The following RPL11 variants were observed in gnomAD, a reference collection of about 807,000 sequenced individuals.
RPL11 encodes ribosomal protein L11.
A neutral mutation model predicts 24.1 loss-of-function variants in RPL11; 3 were observed. The observed-to-expected ratio is 0.12, with a 90% CI of 0.06 to 0.32. The LOEUF (loss-of-function observed/expected upper bound fraction) is 0.32. RPL11 is among the 10% of genes least tolerant of loss of function. The pLI is 1.00. For synonymous variants in RPL11, 96 were observed against 75.7 expected, an observed-to-expected ratio of 1.27 and a Z score of -1.39; for missense variants, 146 against 225.7, an observed-to-expected ratio of 0.65 and a Z score of 2.26.
intron 2 of RPL11, among the ~76,000 whole-genome samples, 170 bp downstream of exon 2, chr1:23,692,929 G>A (rs576807002): frequency 3.3e-5 from 5 of 150,416 alleles, no homozygotes; most frequent in East Asian, 3.9e-4. Flanking sequence ...TCAAGATGGC[G>A]TGTGGGATTG....
chr1:23,696,259 A>C, intron 5 of RPL11, 85 bp from the exon 6 acceptor site: 1 of 1,254,646 alleles, frequency 8.0e-7, no homozygotes, highest in Non-Finnish European at 1.2e-6. Context: ...TGTATCAATC[A>C]GATGTGAATT....
Position 23,696,400 on chromosome 1 carries a change from TAA to T in RPL11, c.*31_*32del, listed in dbSNP as rs1213749846. ...TTCCCGTTTCTATCCAAAAGAGCAATAAAAAGTTTTCAGTGAAATGTGCAATT... is the reference window on the plus strand; with the variant it reads ...TTCCCGTTTCTATCCAAAAGAGCAATAAAGTTTTCAGTGAAATGTGCAATT... On this transcript the variant is annotated 3_prime_UTR_variant, in exon 6 of 6. Transcript: ENST00000643754. 1.4e-5 allele frequency: 23 copies of T among 1,609,234 alleles called. No individual in the cohort carries two copies. The highest frequency in any genetic ancestry group is 1.9e-5 in the Non-Finnish European group (22 of 1,175,554).
At chr1:23,694,606 G>C (rs190679931) in intron 3 of RPL11, 54 bp from the exon 4 acceptor site, 3 of 1,611,296 alleles carry the variant, frequency 1.9e-6, no homozygotes, top group Middle Eastern at 1.9e-4. Context: ...TTACTTGGGG[G>C]TGGGAGGGAG....
chr1:23,691,966 G>A, intron 1 of RPL11, 137 bp downstream of exon 1: 4 of 1,172,618 alleles, frequency 3.4e-6, no homozygotes, highest in South Asian at 1.2e-5. Flanking sequence ...TAGCAGAGCC[G>A]TTCGAGCCAA....
At position 23,696,652 on chromosome 1, in the gene RPL11, TG is replaced by T; in HGVS notation, c.*281del. On this transcript the variant is annotated 3_prime_UTR_variant, in exon 6 of 6. Transcript: ENST00000643754. ...GTAGCCCCATTTGGAGGGGAGGGTT[TG>T]GTTGATGTTGGGGTTTGAATTTAGA... The T allele has an allele frequency of 3.8e-6, 2 of 528,350 alleles. No homozygotes were observed. Among genetic ancestry groups the T allele is most frequent in the South Asian group, 4.1e-5 (2 of 48,792 alleles). The allele number at this position is 528,350 out of a possible 1,614,324, so 32.7% of individuals were successfully genotyped here. A position where few individuals can be genotyped will look rare whatever the true frequency, so the allele number is the denominator to read the frequency against.
chr1:23,695,809 G>T lies in RPL11; in HGVS notation c.408G>T (p.Arg136Ser). 1 of 1,591,158 alleles carries T rather than the reference G, an allele frequency of 6.3e-7. No homozygotes were observed. Among genetic ancestry groups the T allele is most frequent in the Non-Finnish European group, 8.6e-7 (1 of 1,169,170 alleles). Residue 136 changes from arginine (R) to serine (S), a missense_variant, in exon 5 of 6, where the codon AGG becomes AGT. Arg to Ser is a moderately radical substitution (Grantham distance 110). Transcript: ENST00000643754. ...TATTCCTGGGACAGGTGCTGGGTAGGCCAGGTTTCAGCATCGCAGACAAGA... is the reference window on the plus strand; with the variant it reads ...TATTCCTGGGACAGGTGCTGGGTAGTCCAGGTTTCAGCATCGCAGACAAGA... Reference protein sequence around the residue: ...YGLDFYVVLGRPGFSIADKKR... With the variant: ...YGLDFYVVLGSPGFSIADKKR...
intron 4 of RPL11, chr1:23,695,065 C>T (rs1186475238): frequency 8.4e-6 from 4 of 478,802 alleles, no homozygotes; most frequent in East Asian, 4.2e-5. Context: ...GAAACTGTTC[C>T]CTCCAGCCAG....
rs2124430909 is a variant in RPL11 at position 23,694,646 on chromosome 1, A to C, written c.265-14A>C. On this transcript the variant is annotated splice_polypyrimidine_tract_variant and intron_variant, in intron 3 of 5. Transcript: ENST00000643754. ...AGATGACAAGGAATGTTATTGCTGCATTTTTCTCCACAGGTGCGGGAGTAT... is the reference window on the plus strand; with the variant it reads ...AGATGACAAGGAATGTTATTGCTGCCTTTTTCTCCACAGGTGCGGGAGTAT... The C allele has an allele frequency of 1.2e-6, 2 of 1,613,760 alleles. No homozygotes were observed. Among genetic ancestry groups the C allele is most frequent in the Non-Finnish European group, 1.7e-6 (2 of 1,179,840 alleles).
At position 23,696,567 on chromosome 1, in the gene RPL11, C is replaced by T; in HGVS notation, c.*194C>T. On this transcript the variant is annotated 3_prime_UTR_variant, in exon 6 of 6. Transcript: ENST00000643754. ...CAGTATTTCCTGGCAGATCCAAGTC[C>T]AAGCTTCATAGCATTCATTGCCTGT... 1.5e-6 allele frequency: 1 copy of T among 652,794 alleles called. No homozygotes were observed. The highest frequency in any genetic ancestry group is 1.8e-5 in the South Asian group (1 of 56,712). 40.4% of individuals were successfully genotyped at this position (652,794 alleles called of 1,614,324 possible).
intron 4 of RPL11, 103 bp downstream of exon 4, chr1:23,694,894 A>C: frequency 6.4e-7 from 1 of 1,558,250 alleles, no homozygotes; most frequent in Non-Finnish European, 8.8e-7. Context: ...GCAGCTTTGA[A>C]TATTGTCTGC....
At chr1:23,695,767 G>T in intron 4 of RPL11, 31 bp from the exon 5 acceptor site, 1 of 1,553,582 alleles carries the variant, frequency 6.4e-7, no homozygotes, top group South Asian at 1.2e-5. Flanking sequence ...CTCTGAGCTG[G>T]CTAGGTGACT....
intron 2 of RPL11, among the ~76,000 whole-genome samples, chr1:23,693,525 T>C (rs892883644): frequency 6.6e-6 from 1 of 152,358 alleles, no homozygotes; most frequent in East Asian, 1.9e-4. Flanking sequence ...ACTAGTGGCT[T>C]CTTCGGCCTA....
chr1:23,693,728 T>G, intron 2 of RPL11, 79 bp from the exon 3 acceptor site: 1 of 944,320 alleles, frequency 1.1e-6, no homozygotes, highest in Non-Finnish European at 1.7e-6. Flanking sequence ...CTTTAAGTCA[T>G]GGAGATGGTG....
chr1:23,696,434 T>G lies in RPL11; in HGVS notation c.*61T>G. The G allele has an allele frequency of 3.3e-6, 5 of 1,538,000 alleles. No homozygotes were observed. The South Asian group carries it at 5.6e-5, about 17-fold the overall frequency. On this transcript the variant is annotated 3_prime_UTR_variant, in exon 6 of 6. Coordinates refer to ENST00000643754, the MANE Select transcript of RPL11 (RefSeq NM_000975.5). ...TTCAGTGAAATGTGCAATTCTGTTG[T>G]GTGTTCTGTGAAAGGATCCTGGCCA...
At chr1:23,695,931 G>C in intron 5 of RPL11, 23 bp downstream of exon 5, 3 of 1,554,994 alleles carry the variant, frequency 1.9e-6, no homozygotes, top group Non-Finnish European at 2.6e-6. Context: ...TATCTCAAGT[G>C]AAGTGGTGGA....
At chr1:23,691,949 C>T in intron 1 of RPL11, 120 bp downstream of exon 1, 2 of 1,300,910 alleles carry the variant, frequency 1.5e-6, no homozygotes, top group South Asian at 1.2e-5. Context: ...GCCTGCTGGC[C>T]CAAAACTAGC....
intron 4 of RPL11, chr1:23,695,501 C>G (rs1175430308): frequency 7.1e-6 from 3 of 422,670 alleles, no homozygotes; most frequent in Non-Finnish European, 1.3e-5. Flanking sequence ...TTAAATGTTA[C>G]TTTTAAAAAG....
rs1644535066 is a variant in RPL11 at position 23,696,733 on chromosome 1, C to G, written c.*360C>G. The G allele has an allele frequency of 2.1e-4, 81 of 384,660 alleles. 1 individual carries two copies. The highest frequency in any genetic ancestry group is 1.9e-3 in the South Asian group (81 of 42,064). The allele number at this position is 384,660 out of a possible 1,614,324, so 23.8% of individuals were successfully genotyped here. A position where few individuals can be genotyped will look rare whatever the true frequency, so the allele number is the denominator to read the frequency against. ...GTGTTCCAGGAGGCCCCCTGCTATT[C>G]AGTGATTCTGTTCTGTACTAGAAAT... On this transcript the variant is annotated 3_prime_UTR_variant, in exon 6 of 6. Coordinates refer to ENST00000643754, the MANE Select transcript of RPL11 (RefSeq NM_000975.5).
chr1:23,691,786 TC>T (rs112392885), upstream of RPL11: 2 of 1,614,088 alleles, frequency 1.2e-6, no homozygotes, highest in Non-Finnish European at 1.7e-6. Context: ...CATAAGGCCC[TC>T]GGCCGGAAGC....
Sources: gnomAD v4.1 joint callset for allele counts (sites outside exome capture counted in the v4.1 genomes callset) on GRCh38, gnomAD v4.1.1 for gene constraint, MANE v1.5 for transcripts, NCBI Gene and HGNC (gene_info 2026-07-23, HGNC 2026-07-21) for gene names.